The following CYFIP1 variants were observed in gnomAD, a reference collection of about 807,000 sequenced individuals.
CYFIP1 encodes cytoplasmic FMR1 interacting protein 1.
In CYFIP1, 58 loss-of-function variants were observed where a neutral mutation model predicts 163.5. The ratio of observed to expected loss-of-function variants is 0.35; its 90% confidence interval spans 0.29 to 0.44. The LOEUF is 0.44. CYFIP1 is among the 20% of genes least tolerant of loss of function. CYFIP1 has a pLI of 1.00. For synonymous variants in CYFIP1, 663 were observed against 660.7 expected (o/e 1.00, Z -0.05); for missense variants, 1,338 against 1,653.8 (o/e 0.81, Z 3.31).
In CYFIP1 at chr15:22,939,234, G is replaced by A. The variant is rs1269084336; in HGVS notation, c.753C>T (p.Asn251=). 3.1e-6 allele frequency: 5 copies of A among 1,614,166 alleles called. No homozygotes were observed. In the Admixed American group the frequency reaches 6.7e-5, roughly 22 times the overall value. Residue 251 remains asparagine, a synonymous_variant, in exon 8 of 31, where the codon AAC becomes AAT. Transcript: ENST00000617928. ...TCTCACTGGGCGTCAAATACATCCTGTTCTCGTAGTAATCCACACACAGAT... is the reference window on the plus strand; with the variant it reads ...TCTCACTGGGCGTCAAATACATCCTATTCTCGTAGTAATCCACACACAGAT... The part of the protein sequence containing the change: ...IVNLCVDYYE[N]RMYLTPSEKH...
chr15:22,947,414 G>T, intron 1 of CYFIP1, 123 bp from the exon 2 acceptor site: 1 of 1,361,878 alleles, frequency 7.3e-7, no homozygotes, highest in South Asian at 1.4e-5. Flanking sequence ...GGACATGGCT[G>T]ACAGGGGCAT....
intron 1 of CYFIP1, among the ~76,000 whole-genome samples, chr15:22,977,838 A>T (rs1409369440): frequency 6.6e-6 from 1 of 152,164 alleles, no homozygotes; most frequent in Admixed American, 6.6e-5. Context: ...TCTCACAAAA[A>T]ATAAAATAAA....
At chr15:22,905,922 G>A (rs1386373514) in intron 21 of CYFIP1, among the ~76,000 whole-genome samples, 2 of 149,792 alleles carry the variant, frequency 1.3e-5, no homozygotes, top group Admixed American at 6.7e-5. Context: ...CACCACACCC[G>A]GCTAATTTTT....
chr15:22,945,577 AT>A (rs36001319), intron 3 of CYFIP1, among the ~76,000 whole-genome samples: 36,058 of 143,870 alleles, frequency 0.25, 4,701 homozygotes, highest in African/African-American at 0.38. Context: ...TCATCACAGT[AT>A]TTTTTTTTTT....
At chr15:22,873,863 C>A in intron 28 of CYFIP1, 134 bp from the exon 29 acceptor site, 1 of 780,422 alleles carries the variant, frequency 1.3e-6, no homozygotes, top group South Asian at 1.7e-5. Context: ...ACAATCACAG[C>A]TCGCTGCAGC....
chr15:22,963,788 CAG>C (rs1317761547), intron 1 of CYFIP1, among the ~76,000 whole-genome samples: 1 of 152,114 alleles, frequency 6.6e-6, no homozygotes, highest in Admixed American at 6.6e-5. Context: ...AGGTTTTGCC[CAG>C]AGTCACGCAC....
rs2059273234 is a variant in CYFIP1, at chr15:22,868,194, G to C, written c.*1834C>G. ...CCAACTTTATTATTGGCCTTCTAAG[G>C]AGCTGTTTTAGATGTTTTTTCTAAC... On this transcript the variant is annotated 3_prime_UTR_variant, in exon 31 of 31. Transcript: ENST00000617928. 6.6e-6 allele frequency: 1 copy of C among 152,124 alleles called. No individual in the cohort carries two copies. Among genetic ancestry groups the C allele is most frequent in the South Asian group, 2.1e-4 (1 of 4,822 alleles). 9.4% of individuals were successfully genotyped at this position (152,124 alleles called of 1,614,324 possible).
intron 1 of CYFIP1, among the ~76,000 whole-genome samples, chr15:22,964,579 G>A (rs1479773213): frequency 3.3e-5 from 5 of 152,088 alleles, no homozygotes; most frequent in Non-Finnish European, 5.9e-5. Context: ...AAGTGCAGCC[G>A]GCGAAGATGC....
chr15:22,933,377 C>T (rs1333268104), intron 10 of CYFIP1, among the ~76,000 whole-genome samples: 7 of 150,850 alleles, frequency 4.6e-5, no homozygotes, highest in African/African-American at 1.5e-4. Flanking sequence ...TGCAGTGGCG[C>T]GATCTCTGCT....
intron 1 of CYFIP1, among the ~76,000 whole-genome samples, chr15:22,978,683 T>C (rs1167237532): frequency 6.6e-6 from 1 of 152,200 alleles, no homozygotes; most frequent in Non-Finnish European, 1.5e-5. Context: ...TTTATCATTT[T>C]AGTCTCTCTC....
chr15:22,889,672 A>G (rs2141933370), intron 23 of CYFIP1, among the ~76,000 whole-genome samples: 1 of 152,272 alleles, frequency 6.6e-6, no homozygotes, highest in East Asian at 1.9e-4. Flanking sequence ...CATCCTCTCC[A>G]GATGGGGGTG....
At chr15:22,936,376 G>T (rs887415252) in intron 9 of CYFIP1, among the ~76,000 whole-genome samples, 1 of 152,186 alleles carries the variant, frequency 6.6e-6, no homozygotes, top group African/African-American at 2.4e-5. Context: ...AAGGGAACAC[G>T]CTAATAACAT....
chr15:22,902,311 TC>T (rs1297787149), intron 22 of CYFIP1, among the ~76,000 whole-genome samples: 1 of 152,142 alleles, frequency 6.6e-6, no homozygotes, highest in Non-Finnish European at 1.5e-5. Context: ...TCACGTCACC[TC>T]CCGGGGTGTG....
intron 9 of CYFIP1, among the ~76,000 whole-genome samples, chr15:22,936,688 T>A (rs1566997737): frequency 6.6e-6 from 1 of 152,186 alleles, no homozygotes; most frequent in Non-Finnish European, 1.5e-5. Flanking sequence ...AGAGCTGCAC[T>A]GTTTGGACGC....
At chr15:22,929,112 C>A (rs1012722524) in intron 11 of CYFIP1, among the ~76,000 whole-genome samples, 1 of 151,460 alleles carries the variant, frequency 6.6e-6, no homozygotes, top group African/African-American at 2.4e-5. Flanking sequence ...CTCAGCTACT[C>A]GGGAAGCTGA....
intron 1 of CYFIP1, among the ~76,000 whole-genome samples, chr15:22,960,127 C>T (rs75634679): frequency 1.5e-4 from 23 of 152,110 alleles, no homozygotes; most frequent in Non-Finnish European, 2.8e-4. Flanking sequence ...GTGCCCAGCC[C>T]GTGGGCAGAG....
intron 24 of CYFIP1, among the ~76,000 whole-genome samples, chr15:22,882,430 A>G (rs1231886618): frequency 6.6e-6 from 1 of 152,246 alleles, no homozygotes; most frequent in Non-Finnish European, 1.5e-5. Context: ...CCAAGTGACC[A>G]AACTCTTACA....
At chr15:22,972,308 C>T (rs573595678) in intron 1 of CYFIP1, among the ~76,000 whole-genome samples, 22 of 152,208 alleles carry the variant, frequency 1.4e-4, no homozygotes, top group South Asian at 4.1e-4. Context: ...TGGTGGCGCA[C>T]GCCTGTAATC....
chr15:22,895,073 G>C (rs1192274058), intron 22 of CYFIP1, among the ~76,000 whole-genome samples: 26 of 150,868 alleles, frequency 1.7e-4, no homozygotes, highest in Admixed American at 1.7e-3. Flanking sequence ...GGAGTGCAGT[G>C]GCGTGATCTT....
Sources: gnomAD v4.1 joint callset for allele counts (sites outside exome capture counted in the v4.1 genomes callset) on GRCh38, gnomAD v4.1.1 for gene constraint, MANE v1.5 for transcripts, NCBI Gene and HGNC (gene_info 2026-07-23, HGNC 2026-07-21) for gene names.